DNM2: variants seen among roughly 807,000 people sequenced by gnomAD.
DNM2 encodes the protein dynamin 2.
Under a neutral mutation model 99.0 loss-of-function variants are expected in DNM2, and 15 were observed. The observed-to-expected ratio is 0.15, with a 90% CI of 0.10 to 0.23. DNM2 has a LOEUF of 0.23. DNM2 is among the 10% of genes least tolerant of loss of function. DNM2 has a pLI of 1.00. For synonymous variants in DNM2, 525 were observed against 481.2 expected, an observed-to-expected ratio of 1.09 and a Z score of -1.19; for missense variants, 742 against 1,189.4, an observed-to-expected ratio of 0.62 and a Z score of 5.53.
At position 10,812,612 on chromosome 19, in the gene DNM2, C is replaced by T. The variant is rs1039990313; in HGVS notation, c.1671+235C>T. 1.3e-5 allele frequency among the ~76,000 whole-genome samples: 2 copies of T among 152,130 alleles called. No homozygotes were observed. The highest frequency in any genetic ancestry group is 6.5e-5 in the Admixed American group (1 of 15,280). The stretch of plus-strand genomic sequence containing the variant: ...GACCAGCCTGGCCAACATGATGAAA[C>T]CCCGTCTCTACTAAAATTGCAAAAA... On this transcript the variant is annotated intron_variant, in intron 15 of 20. Transcript: ENST00000389253. The surrounding 1 kb of genome is among the most constrained non-coding windows in gnomAD (Gnocchi z 4.0).
At chr19:10,755,270 G>T (rs962802058) in intron 1 of DNM2, 2 of 152,178 alleles carry the variant, frequency 1.3e-5, no homozygotes, top group Admixed American at 6.5e-5. Context: ...ACACGAAGCA[G>T]ACAGGATGTC....
intron 5 of DNM2, among the ~76,000 whole-genome samples, chr19:10,779,306 G>A (rs964321057): frequency 2.0e-5 from 3 of 151,542 alleles, no homozygotes; most frequent in Non-Finnish European, 2.9e-5. Flanking sequence ...GAGATACAGA[G>A]ATTTCCTATC....
In DNM2 at chr19:10,831,126, G is replaced by C; in HGVS notation, c.*79G>C. ...CTTCAGTGGTCTGGGGCCCTCCGCC[G>C]CCCCTATGCTGGGACCAGGCTCCCA... On this transcript the variant is annotated 3_prime_UTR_variant, in exon 21 of 21. Transcript: ENST00000389253. This position sits in a 1 kb window ranked among gnomAD's most constrained non-coding sequence, Gnocchi z 4.3. 1 of 1,498,220 alleles carries C rather than the reference G, an allele frequency of 6.7e-7. No individual in the cohort carries two copies. Among genetic ancestry groups the C allele is most frequent in the East Asian group, 2.6e-5 (1 of 39,026 alleles). The allele number at this position is 1,498,220 out of a possible 1,614,324, so 92.8% of individuals were successfully genotyped here. A position where few individuals can be genotyped will look rare whatever the true frequency, so the allele number is the denominator to read the frequency against.
chr19:10,797,560 C>T lies in DNM2; in HGVS notation c.1335+42C>T, dbSNP rs116367592. On this transcript the variant is annotated intron_variant, in intron 10 of 20. Transcript: ENST00000389253. ...TCATCTCCGCATTTGTCCCCGTCCT[C>T]CCCCTCCATGTGTTAGTCTCAACCC... is the stretch of plus-strand genomic sequence containing the variant. 9.7e-5 allele frequency: 157 copies of T among 1,613,304 alleles called. No homozygotes were observed. The African/African-American group carries it at 1.9e-3, about 20-fold the overall frequency.
chr19:10,816,093 C>T lies in DNM2; in HGVS notation c.1671+3716C>T, dbSNP rs928387113. On this transcript the variant is annotated intron_variant, in intron 15 of 20. Transcript: ENST00000389253. This position sits in a 1 kb window ranked among gnomAD's most constrained non-coding sequence, Gnocchi z 4.6. ...CCCCATCTAAGGCTCTGAGCGGTGA[C>T]TTGCCCCACATCATGGAGCGGGGGA... 1.3e-5 allele frequency among the ~76,000 whole-genome samples: 2 copies of T among 152,160 alleles called. No individual in the cohort carries two copies. The highest frequency in any genetic ancestry group is 1.3e-4 in the Admixed American group (2 of 15,284).
intron 1 of DNM2, among the ~76,000 whole-genome samples, chr19:10,725,700 A>G (rs2069092261): frequency 6.6e-6 from 1 of 152,090 alleles, no homozygotes; most frequent in Admixed American, 6.6e-5. Context: ...TGAAACAGGC[A>G]GCATTTGTGA....
At chr19:10,794,717 C>T (rs78791992) in intron 8 of DNM2, among the ~76,000 whole-genome samples, 2 of 151,670 alleles carry the variant, frequency 1.3e-5, no homozygotes, top group Non-Finnish European at 1.5e-5. Flanking sequence ...CGCACTCCAG[C>T]CTCAGTGACA....
intron 1 of DNM2, among the ~76,000 whole-genome samples, chr19:10,720,880 A>G (rs2068916431): frequency 6.6e-6 from 1 of 152,178 alleles, no homozygotes; most frequent in African/African-American, 2.4e-5. Context: ...CACGTTACAC[A>G]CTTAAGCCTT....
At chr19:10,799,014 C>T (rs1334959069) in intron 11 of DNM2, among the ~76,000 whole-genome samples, 4 of 152,140 alleles carry the variant, frequency 2.6e-5, no homozygotes, top group Non-Finnish European at 4.4e-5. Context: ...TTGCTTGAGC[C>T]CAGGAGTTCG....
Position 10,812,087 on chromosome 19 carries a change from T to G in DNM2, c.1558-177T>G. ...CACCTGCCCAGGTGGCGCCTCATGT[T>G]GGTTTCCTGCTGGAAATGCTTGGGA... On this transcript the variant is annotated intron_variant, in intron 14 of 20. Transcript: ENST00000389253. This position sits in a 1 kb window ranked among gnomAD's most constrained non-coding sequence, Gnocchi z 4.0. 1.7e-6 allele frequency: 1 copy of G among 580,832 alleles called. No homozygotes were observed. The highest frequency in any genetic ancestry group is 3.2e-6 in the Non-Finnish European group (1 of 310,450). The allele number at this position is 580,832 out of a possible 1,614,324, so 36.0% of individuals were successfully genotyped here.
chr19:10,769,297 C>T (rs2070899858), intron 2 of DNM2: 1 of 152,378 alleles, frequency 6.6e-6, no homozygotes, highest in South Asian at 2.1e-4. Context: ...CCAGTACATG[C>T]TGGGCTCTGG....
intron 12 of DNM2, chr19:10,802,574 C>A (rs1382118008): frequency 6.3e-6 from 4 of 639,770 alleles, no homozygotes; most frequent in Admixed American, 2.2e-5. Context: ...GTGAGGCATC[C>A]CCATGGTTAG....
At chr19:10,786,533 C>G (rs779421569) in intron 6 of DNM2, 31 bp from the exon 7 acceptor site, 1 of 1,613,712 alleles carries the variant, frequency 6.2e-7, no homozygotes, top group East Asian at 2.2e-5. Flanking sequence ...GCCCATGCCA[C>G]CCTTTCTGAT....
chr19:10,797,260 A>G (rs2071968350), intron 9 of DNM2, 120 bp from the exon 10 acceptor site: 1 of 1,426,700 alleles, frequency 7.0e-7, no homozygotes, highest in African/African-American at 1.4e-5. Context: ...AGGCTCCCCC[A>G]TGCATGGACT....
At chr19:10,757,924 CA>C in intron 1 of DNM2, among the ~76,000 whole-genome samples, 1 of 114,268 alleles carries the variant, frequency 8.8e-6, no homozygotes. Flanking sequence ...GCCTGGGCAA[CA>C]AGAGCGAAGC....
chr19:10,754,380 G>C (rs1188170500), intron 1 of DNM2, among the ~76,000 whole-genome samples: 3 of 150,584 alleles, frequency 2.0e-5, no homozygotes, highest in Non-Finnish European at 4.4e-5. Flanking sequence ...AGCCTCCTGA[G>C]TAGCTGGGAC....
chr19:10,787,495 G>A (rs191852664), intron 7 of DNM2, among the ~76,000 whole-genome samples: 7 of 150,956 alleles, frequency 4.6e-5, no homozygotes, highest in Admixed American at 6.6e-5. Flanking sequence ...GGCCAGGCAC[G>A]GTGGCTCACG....
At chr19:10,776,161 G>A (rs1381093134) in intron 4 of DNM2, among the ~76,000 whole-genome samples, 5 of 152,138 alleles carry the variant, frequency 3.3e-5, no homozygotes, top group African/African-American at 9.7e-5. Context: ...GCTAGCCTAG[G>A]GCTGAAGGAA....
chr19:10,749,040 A>G (rs2070099524), intron 1 of DNM2, among the ~76,000 whole-genome samples: 1 of 152,142 alleles, frequency 6.6e-6, no homozygotes, highest in African/African-American at 2.4e-5. Context: ...TGCTGAGCAT[A>G]TGGTGACAAG....
Sources: allele counts gnomAD v4.1 joint callset (sites outside exome capture counted in the v4.1 genomes callset), GRCh38; gene constraint gnomAD v4.1.1; non-coding constraint Gnocchi (gnomAD v3.1); transcripts MANE v1.5; gene names NCBI Gene and HGNC (gene_info 2026-07-23, HGNC 2026-07-21).